The following RALYL variants were observed in gnomAD, a reference collection of about 807,000 sequenced individuals.
RALYL encodes RALY RNA binding protein like, also known as RNA-binding Raly-like protein.
Under a neutral mutation model 35.1 loss-of-function variants are expected in RALYL, and 29 were observed. The ratio of observed to expected loss-of-function variants is 0.83; its 90% CI spans 0.61 to 1.13. The LOEUF is 1.13. Among genes scored for constraint, RALYL ranks in the 50% most tolerant of loss-of-function variants. The probability of loss-of-function intolerance (pLI) is 0.00; values close to 1 mark genes in which losing one functional copy is unlikely to be tolerated. For synonymous variants in RALYL, 120 were observed against 127.6 expected (o/e 0.94, Z 0.40); for missense variants, 359 against 360.4 (o/e 1.00, Z 0.03).
intron 1 of RALYL, among the ~76,000 whole-genome samples, chr8:84,390,938 C>T (rs1043777758): frequency 1.3e-5 from 2 of 151,978 alleles, no homozygotes; most frequent in African/African-American, 2.4e-5. Flanking sequence ...AATGTTCACA[C>T]GTTCCTCCAA....
chr8:84,709,034 G>T (rs1005442309), intron 2 of RALYL, among the ~76,000 whole-genome samples: 1 of 152,100 alleles, frequency 6.6e-6, no homozygotes, highest in East Asian at 1.9e-4. Flanking sequence ...TGAGCTTATC[G>T]ACCTTATCCA....
At chr8:84,311,482 A>C (rs1328732065) in intron 1 of RALYL, among the ~76,000 whole-genome samples, 1 of 152,162 alleles carries the variant, frequency 6.6e-6, no homozygotes, top group African/African-American at 2.4e-5. Context: ...ATGGGAGAGA[A>C]GACTCATTTT....
At chr8:84,847,950 G>A (rs1375583558) in intron 4 of RALYL, among the ~76,000 whole-genome samples, 2 of 152,192 alleles carry the variant, frequency 1.3e-5, no homozygotes, top group African/African-American at 4.8e-5. Context: ...GTAAGAGCAT[G>A]AGGAGCTATA....
At chr8:84,395,614 T>C (rs1409982851) in intron 1 of RALYL, among the ~76,000 whole-genome samples, 1 of 151,950 alleles carries the variant, frequency 6.6e-6, no homozygotes, top group Non-Finnish European at 1.5e-5. Context: ...AAATAACATT[T>C]GGCACATTAC....
intron 3 of RALYL, among the ~76,000 whole-genome samples, chr8:84,781,640 G>A (rs1259976498): frequency 6.6e-5 from 10 of 152,164 alleles, no homozygotes; most frequent in Admixed American, 1.3e-4. Context: ...ATCAAAGGAA[G>A]TAAAACCATG....
At chr8:84,727,177 T>C (rs1845121485) in intron 2 of RALYL, among the ~76,000 whole-genome samples, 1 of 152,060 alleles carries the variant, frequency 6.6e-6, no homozygotes, top group African/African-American at 2.4e-5. Flanking sequence ...TATTCAACAG[T>C]ATACTTAGAA....
intron 3 of RALYL, among the ~76,000 whole-genome samples, chr8:84,787,417 A>G (rs781130940): frequency 1.3e-5 from 2 of 152,126 alleles, no homozygotes; most frequent in Non-Finnish European, 1.5e-5. Flanking sequence ...TGGATTCAGT[A>G]TTACTGAAGG....
intron 7 of RALYL, among the ~76,000 whole-genome samples, chr8:84,875,775 C>G (rs1387662332): frequency 1.3e-5 from 2 of 152,070 alleles, no homozygotes; most frequent in African/African-American, 4.8e-5. Context: ...TTTTAAAATG[C>G]TCAGTGGCTC....
At chr8:84,183,225 T>A (rs1178791707), upstream of RALYL, 1 of 133,132 alleles carries the variant, frequency 7.5e-6, no homozygotes, top group Non-Finnish European at 1.7e-5. Context: ...TGCGTGTGCG[T>A]GTGCGTGTGC....
At chr8:84,698,296 G>T (rs1374559645) in intron 2 of RALYL, among the ~76,000 whole-genome samples, 1 of 152,022 alleles carries the variant, frequency 6.6e-6, no homozygotes, top group African/African-American at 2.4e-5. Context: ...ATTCCATTTA[G>T]CTTCTGCAAT....
At chr8:84,568,219 TC>T (rs1391031710) in intron 2 of RALYL, among the ~76,000 whole-genome samples, 7 of 106,322 alleles carry the variant, frequency 6.6e-5, no homozygotes, top group African/African-American at 2.3e-4. Flanking sequence ...CCCACAACAG[TC>T]CCCAGAGTGT....
chr8:84,452,512 C>T (rs1285886112), intron 1 of RALYL, among the ~76,000 whole-genome samples: 2 of 151,764 alleles, frequency 1.3e-5, no homozygotes, highest in African/African-American at 4.8e-5. Context: ...GTTCTCATCT[C>T]ACTAGTAAAA....
chr8:84,628,112 A>G (rs1395098211), intron 2 of RALYL, among the ~76,000 whole-genome samples: 1 of 152,094 alleles, frequency 6.6e-6, no homozygotes, highest in East Asian at 1.9e-4. Context: ...TGCAGAGTAC[A>G]ATCCTAACTA....
chr8:84,843,356 G>A (rs187987190), intron 4 of RALYL, among the ~76,000 whole-genome samples: 4 of 151,938 alleles, frequency 2.6e-5, no homozygotes, highest in Admixed American at 6.6e-5. Context: ...ATGAGTGACC[G>A]CCGATTCACA....
intron 3 of RALYL, among the ~76,000 whole-genome samples, chr8:84,783,856 T>A (rs1818760237): frequency 6.6e-6 from 1 of 152,190 alleles, no homozygotes; most frequent in South Asian, 2.1e-4. Flanking sequence ...GTTTTTAATT[T>A]GTATTTGTCC....
At chr8:84,917,487 C>G (rs1320563953) in intron 8 of RALYL, among the ~76,000 whole-genome samples, 1 of 151,574 alleles carries the variant, frequency 6.6e-6, no homozygotes, top group African/African-American at 2.4e-5. Flanking sequence ...TAATTATTCT[C>G]TTTTAGTTAT....
intron 3 of RALYL, among the ~76,000 whole-genome samples, chr8:84,796,912 A>G (rs1035823480): frequency 1.1e-4 from 16 of 152,190 alleles, no homozygotes; most frequent in Non-Finnish European, 5.9e-5. Context: ...TGTGTTCTTT[A>G]TCTTTTCTTA....
chr8:84,539,888 G>GTATATA (rs1564110851), intron 2 of RALYL, among the ~76,000 whole-genome samples: 9 of 49,200 alleles, frequency 1.8e-4, no homozygotes, highest in African/African-American at 5.8e-4. Flanking sequence ...GTATATATAT[G>GTATATA]TGTGTGTGTG....
Position 84,384,024 on chromosome 8 carries a change from A to G in RALYL, c.-23-145275A>G, listed in dbSNP as rs72679313. 2.0e-3 allele frequency among the ~76,000 whole-genome samples: 297 copies of G among 151,906 alleles called. 1 individual carries two copies. The Middle Eastern group carries it at 0.034, about 17-fold the overall frequency. The stretch of plus-strand genomic sequence containing the variant: ...CACTTACCATATCAAATGCATATAC[A>G]TGTTCACACAGTTTTCGCCTCTTTA... On this transcript the variant is annotated intron_variant, in intron 1 of 8. Transcript: ENST00000521268.
Sources: allele counts gnomAD v4.1 joint callset (sites outside exome capture counted in the v4.1 genomes callset), GRCh38; gene constraint gnomAD v4.1.1; transcripts MANE v1.5; gene names NCBI Gene and HGNC (gene_info 2026-07-23, HGNC 2026-07-21).